Variants in GRIK3 observed in about 807,000 individuals in gnomAD.
The protein encoded by GRIK3 is glutamate ionotropic receptor kainate type subunit 3.
Under a neutral mutation model 102.5 loss-of-function variants are expected in GRIK3, and 29 were observed. That is an observed-to-expected ratio of 0.28 (90% confidence interval 0.21 to 0.39). The LOEUF (loss-of-function observed/expected upper bound fraction) is 0.39, where lower values mean the gene tolerates loss of function less well. Ranked by LOEUF, GRIK3 falls within the 10% of genes least tolerant of loss-of-function variation. The pLI is 1.00. For synonymous variants in GRIK3, 511 were observed against 504.9 expected (o/e 1.01, Z -0.16); for missense variants, 908 against 1,252.4 (o/e 0.73, Z 4.15).
At chr1:36,857,439 A>G (rs1640665868) in intron 7 of GRIK3, among the ~76,000 whole-genome samples, 1 of 152,202 alleles carries the variant, frequency 6.6e-6, no homozygotes, top group African/African-American at 2.4e-5. Flanking sequence ...AGAAGGGATC[A>G]TCAGGCCCTC....
intron 1 of GRIK3, among the ~76,000 whole-genome samples, chr1:36,943,601 T>A (rs1432216367): frequency 1.3e-5 from 2 of 152,216 alleles, no homozygotes; most frequent in Non-Finnish European, 2.9e-5. Flanking sequence ...GACCTGGAGA[T>A]AATTATATGT....
intron 1 of GRIK3, among the ~76,000 whole-genome samples, chr1:36,969,844 C>T (rs1642122426): frequency 6.6e-6 from 1 of 152,208 alleles, no homozygotes; most frequent in Non-Finnish European, 1.5e-5. Context: ...CCATGAAACC[C>T]CATGAGGATG....
At chr1:36,814,659 C>A (rs939757764) in intron 13 of GRIK3, among the ~76,000 whole-genome samples, 1 of 151,946 alleles carries the variant, frequency 6.6e-6, no homozygotes. Flanking sequence ...CACTCAGATT[C>A]ATGCATGCAT....
chr1:37,032,238 G>A (rs1006655579), intron 1 of GRIK3, among the ~76,000 whole-genome samples: 9 of 152,136 alleles, frequency 5.9e-5, no homozygotes, highest in Admixed American at 1.3e-4. Context: ...TTATCCCTCT[G>A]AGGCTGCCCT....
At chr1:36,944,699 G>T (rs1047569459) in intron 1 of GRIK3, among the ~76,000 whole-genome samples, 3 of 152,144 alleles carry the variant, frequency 2.0e-5, no homozygotes. Flanking sequence ...ATCTCCCAAG[G>T]CCACTGAGTG....
At chr1:36,904,060 T>C (rs952171771) in intron 1 of GRIK3, among the ~76,000 whole-genome samples, 1 of 152,198 alleles carries the variant, frequency 6.6e-6, no homozygotes, top group Non-Finnish European at 1.5e-5. Context: ...GCTATGCATG[T>C]GTGTGGGCAG....
chr1:36,984,628 G>A (rs1038640417), intron 1 of GRIK3, among the ~76,000 whole-genome samples: 5 of 152,242 alleles, frequency 3.3e-5, no homozygotes, highest in African/African-American at 1.2e-4. Flanking sequence ...GTGGGGCATG[G>A]ATGGAAGAGT....
rs190468271 is a variant in GRIK3, at chr1:36,860,996, C to T, written c.787-979G>A. On this transcript the variant is annotated intron_variant, in intron 5 of 15. Transcript: ENST00000373091. ...AAAGCTCAGACTCTGGGTTAATTTGCAGAATTTTGTCAAATAGAGGAGATA... is the reference window on the plus strand; with the variant it reads ...AAAGCTCAGACTCTGGGTTAATTTGTAGAATTTTGTCAAATAGAGGAGATA... Among the ~76,000 whole-genome samples the T allele has an allele frequency of 3.3e-5, 5 of 152,278 alleles. No homozygotes were observed. In the East Asian group the frequency reaches 9.6e-4, roughly 29 times the overall value.
intron 1 of GRIK3, among the ~76,000 whole-genome samples, chr1:36,905,977 C>G (rs1430544569): frequency 6.6e-6 from 1 of 152,168 alleles, no homozygotes; most frequent in Non-Finnish European, 1.5e-5. Flanking sequence ...GAGGGGCCAT[C>G]ATCTCAACAA....
intron 1 of GRIK3, among the ~76,000 whole-genome samples, chr1:37,032,563 A>G (rs1642839934): frequency 6.6e-6 from 1 of 152,028 alleles, no homozygotes; most frequent in African/African-American, 2.4e-5. Flanking sequence ...ACAGAGATAG[A>G]AGACATTTCG....
intron 1 of GRIK3, among the ~76,000 whole-genome samples, chr1:36,996,831 G>A (rs1453058651): frequency 2.0e-5 from 3 of 152,192 alleles, no homozygotes; most frequent in South Asian, 2.1e-4. Context: ...TTGGGCTGGC[G>A]CCTCCCTGTA....
chr1:36,855,073 C>T (rs1640635169), intron 7 of GRIK3, among the ~76,000 whole-genome samples: 1 of 152,162 alleles, frequency 6.6e-6, no homozygotes. Flanking sequence ...TCCTGGAGTC[C>T]TTGGGAACAA....
rs1642484427 is a variant in GRIK3 at position 36,805,104 on chromosome 1, C to T, written c.2448G>A (p.Leu816=). 6.2e-7 allele frequency: 1 copy of T among 1,614,124 alleles called. No homozygotes were observed. Among genetic ancestry groups the T allele is most frequent in the Non-Finnish European group, 8.5e-7 (1 of 1,180,056 alleles). ...AGATGCCCCCGATCTTCTGGATCCC[C>T]AGGGCACTGGCCTCTTTGTTTTCCT... ...PEEENKEASA[L]GIQKIGGIFI... Residue 816 remains leucine, a synonymous_variant, in exon 15 of 16, where the codon CTG becomes CTA. Coordinates refer to ENST00000373091, the MANE Select transcript of GRIK3 (RefSeq NM_000831.4).
At chr1:36,817,728 C>T (rs1378382817) in intron 12 of GRIK3, among the ~76,000 whole-genome samples, 1 of 152,206 alleles carries the variant, frequency 6.6e-6, no homozygotes, top group East Asian at 1.9e-4. Context: ...TCCCAACTCT[C>T]AGTGTGATCT....
At chr1:36,827,610 G>A (rs1642768975) in intron 10 of GRIK3, among the ~76,000 whole-genome samples, 2 of 152,184 alleles carry the variant, frequency 1.3e-5, no homozygotes. Flanking sequence ...TTACAGTCTA[G>A]TAGGGGAGAT....
At chr1:36,830,371 C>A (rs1263649623) in intron 10 of GRIK3, among the ~76,000 whole-genome samples, 2 of 151,224 alleles carry the variant, frequency 1.3e-5, no homozygotes, top group Non-Finnish European at 3.0e-5. Flanking sequence ...CCCCCACCCC[C>A]AATTATGTGC....
chr1:36,949,971 G>C (rs1039400553), intron 1 of GRIK3, among the ~76,000 whole-genome samples: 4 of 152,116 alleles, frequency 2.6e-5, no homozygotes, highest in Admixed American at 1.3e-4. Flanking sequence ...CTCACAGCTG[G>C]TAAATATCAG....
intron 10 of GRIK3, among the ~76,000 whole-genome samples, chr1:36,829,414 T>G (rs892824233): frequency 1.3e-5 from 2 of 151,752 alleles, no homozygotes; most frequent in African/African-American, 4.8e-5. Flanking sequence ...TTTTTGTTTT[T>G]TTTTTTTAAC....
intron 1 of GRIK3, among the ~76,000 whole-genome samples, chr1:36,970,217 T>C (rs1314007369): frequency 6.6e-6 from 1 of 152,172 alleles, no homozygotes; most frequent in Non-Finnish European, 1.5e-5. Context: ...GACCACTCTC[T>C]GCTACGAGCT....
Sources: allele counts gnomAD v4.1 joint callset (sites outside exome capture counted in the v4.1 genomes callset), GRCh38; gene constraint gnomAD v4.1.1; transcripts MANE v1.5; gene names NCBI Gene and HGNC (gene_info 2026-07-23, HGNC 2026-07-21).